MARCHF9: variants seen among roughly 807,000 people sequenced by gnomAD.
MARCHF9 encodes membrane associated ring-CH-type finger 9, also known as E3 ubiquitin-protein ligase MARCHF9.
Under a neutral mutation model 35.2 loss-of-function variants are expected in MARCHF9, and 17 were observed. The ratio of observed to expected loss-of-function variants is 0.48; its 90% CI spans 0.33 to 0.72. The LOEUF (loss-of-function observed/expected upper bound fraction) is 0.72. Among genes scored for constraint, MARCHF9 ranks in the 30% least tolerant of loss-of-function variants. MARCHF9 has a pLI of 0.02. For synonymous variants in MARCHF9, 183 were observed against 207.4 expected, an observed-to-expected ratio of 0.88 and a Z score of 1.01; for missense variants, 386 against 478.2, an observed-to-expected ratio of 0.81 and a Z score of 1.80.
Position 57,758,666 on chromosome 12 carries a change from A to G in MARCHF9, c.810A>G (p.Ile270Met), listed in dbSNP as rs1454655777. Residue 270 changes from isoleucine (I) to methionine (M), a missense_variant, in exon 4 of 4, where the codon ATA becomes ATG. By Grantham distance (10) the Ile-to-Met change is conservative (BLOSUM62 1). Coordinates refer to ENST00000266643, the MANE Select transcript of MARCHF9 (RefSeq NM_138396.6). This position sits in a 1 kb window ranked among gnomAD's most constrained non-coding sequence, Gnocchi z 5.4. ...TAAATTATGACAAGACCAAGGACAT[A>G]GGAGGAGATGCAGGGGGAGGGACGG... The part of the protein sequence containing the change: ...KVLNYDKTKD[I>M]GGDAGGGTAG... The G allele has an allele frequency of 1.9e-6, 3 of 1,613,920 alleles. No individual in the cohort carries two copies.
chr12:57,756,985 C>G lies in MARCHF9; in HGVS notation c.414C>G (p.Pro138=), dbSNP rs774429788. 82 of 1,602,064 alleles carry G rather than the reference C, an allele frequency of 5.1e-5. No homozygotes were observed. The highest frequency in any genetic ancestry group is 6.1e-5 in the Non-Finnish European group (72 of 1,174,516). ...GCTCAGTGCGCTGCACGCATCAGCC[C>G]TGCCTCATCCGCTGGATCAGCGAGA... ...CDGSVRCTHQ[P]CLIRWISERG... Residue 138 remains proline, a synonymous_variant, in exon 2 of 4, where the codon CCC becomes CCG. Transcript: ENST00000266643.
Position 57,758,271 on chromosome 12 carries a change from T to C in MARCHF9, c.677T>C (p.Met226Thr), listed in dbSNP as rs748271000. The change falls in exon 3 of 4, where the codon ATG becomes ACG. Residue 226 changes from methionine (M) to threonine (T), a missense_variant. Transcript: ENST00000266643. This position sits in a 1 kb window ranked among gnomAD's most constrained non-coding sequence, Gnocchi z 5.4. ...QDLLFQICYGMYGFMDVVCIG... is the reference protein window; with the variant it reads ...QDLLFQICYGTYGFMDVVCIG... ...CTGCTCTTTCAGATCTGCTACGGCA[T>C]GTATGGCTTCATGGATGTCGTCTGC... The C allele has an allele frequency of 1.2e-6, 2 of 1,611,964 alleles. No homozygotes were observed. The highest frequency in any genetic ancestry group is 1.7e-6 in the Non-Finnish European group (2 of 1,178,198).
chr12:57,759,721 A>G lies in MARCHF9; in HGVS notation c.*824A>G, dbSNP rs1655900081. 1 of 152,256 alleles carries G rather than the reference A, an allele frequency of 6.6e-6. No individual in the cohort carries two copies. Among genetic ancestry groups the G allele is most frequent in the South Asian group, 2.1e-4 (1 of 4,838 alleles). 9.4% of individuals were successfully genotyped at this position (152,256 alleles called of 1,614,324 possible). A position where few individuals can be genotyped will look rare whatever the true frequency, so the allele number is the denominator to read the frequency against. ...TGAGGGACAGGTTGGATGCCGTTGC[A>G]GAGAAAATCAGCAATGACATAAAGA... On this transcript the variant is annotated 3_prime_UTR_variant, in exon 4 of 4. Transcript: ENST00000266643.
Position 57,758,217 on chromosome 12 carries a change from G to A in MARCHF9, c.623G>A (p.Ser208Asn). The A allele has an allele frequency of 6.2e-7, 1 of 1,614,206 alleles. No individual in the cohort carries two copies. The highest frequency in any genetic ancestry group is 8.5e-7 in the Non-Finnish European group (1 of 1,180,036). The change falls in exon 3 of 4, where the codon AGC (serine) becomes AAC (asparagine). Residue 208 changes from serine (S) to asparagine (N), a missense_variant. By Grantham distance (46) the Ser-to-Asn change is conservative. Coordinates refer to ENST00000266643, the MANE Select transcript of MARCHF9 (RefSeq NM_138396.6). This position sits in a 1 kb window ranked among gnomAD's most constrained non-coding sequence, Gnocchi z 5.4. The part of the protein sequence containing the change: ...SISWLIWSSL[S>N]PSAKWQRQDL... The stretch of plus-strand genomic sequence containing the variant: ...TCCTGGCTCATCTGGTCCTCACTCA[G>A]CCCTTCAGCCAAGTGGCAACGACAG...
rs751635712 is a variant in MARCHF9, at chr12:57,758,263, C to T, written c.669C>T (p.Cys223=). ...GACAGGATCTGCTCTTTCAGATCTG[C>T]TACGGCATGTATGGCTTCATGGATG... ...WQRQDLLFQI[C]YGMYGFMDVV... is the part of the protein sequence containing the mutation. Residue 223 remains cysteine (C), a synonymous_variant, in exon 3 of 4, where the codon TGC becomes TGT. Coordinates refer to ENST00000266643, the MANE Select transcript of MARCHF9 (RefSeq NM_138396.6). The surrounding 1 kb of genome is among the most constrained non-coding windows in gnomAD (Gnocchi z 5.4). 1 of 1,613,318 alleles carries T rather than the reference C, an allele frequency of 6.2e-7. No individual in the cohort carries two copies. The highest frequency in any genetic ancestry group is 8.5e-7 in the Non-Finnish European group (1 of 1,179,260).
Position 57,758,574 on chromosome 12 carries a change from C to T in MARCHF9, c.718C>T (p.His240Tyr). The T allele has an allele frequency of 1.9e-6, 3 of 1,608,428 alleles. No individual in the cohort carries two copies. Among genetic ancestry groups the T allele is most frequent in the Non-Finnish European group, 1.7e-6 (2 of 1,176,454 alleles). The change falls in exon 4 of 4, where the codon CAT becomes TAT. Residue 240 changes from histidine to tyrosine, a missense_variant. Around this residue, in one of 3 missense-constraint regions of MARCHF9, gnomAD observed 219 missense variants for 316.2 expected, o/e 0.69. Transcript: ENST00000266643. This position sits in a 1 kb window ranked among gnomAD's most constrained non-coding sequence, Gnocchi z 5.4. ...MDVVCIGLII[H>Y]EGSSVYRIFK... ...TTCCTATTGCTCAGGCCTCATCATC[C>T]ATGAAGGCTCCTCTGTCTACCGCAT...
At position 57,758,573 on chromosome 12, in the gene MARCHF9, C is replaced by A. The variant is rs1346409281; in HGVS notation, c.717C>A (p.Ile239=). 6.2e-7 allele frequency: 1 copy of A among 1,608,230 alleles called. No individual in the cohort carries two copies. The highest frequency in any genetic ancestry group is 1.7e-5 in the Admixed American group (1 of 59,402). ...ATTCCTATTGCTCAGGCCTCATCATCCATGAAGGCTCCTCTGTCTACCGCA... is the reference window on the plus strand; with the variant it reads ...ATTCCTATTGCTCAGGCCTCATCATACATGAAGGCTCCTCTGTCTACCGCA... The part of the protein sequence containing the change: ...FMDVVCIGLI[I]HEGSSVYRIF... Residue 239 remains isoleucine (I), a synonymous_variant, in exon 4 of 4, where the codon ATC becomes ATA. Coordinates refer to ENST00000266643, the MANE Select transcript of MARCHF9 (RefSeq NM_138396.6). This position sits in a 1 kb window ranked among gnomAD's most constrained non-coding sequence, Gnocchi z 5.4.
intron 2 of MARCHF9, 148 bp from the exon 3 acceptor site, chr12:57,757,960 A>T: frequency 1.2e-6 from 1 of 823,142 alleles, no homozygotes. Context: ...GCCACATTCT[A>T]GATTTAATCA....
In MARCHF9 at chr12:57,759,271, C is replaced by T. The variant is rs971717505; in HGVS notation, c.*374C>T. ...AATGCCAGAAGAAAGGGGCTGTAGA[C>T]CCCTATTCCCCACCCCATGGCCACA... On this transcript the variant is annotated 3_prime_UTR_variant, in exon 4 of 4. Coordinates refer to ENST00000266643, the MANE Select transcript of MARCHF9 (RefSeq NM_138396.6). 4 of 221,008 alleles carry T rather than the reference C, an allele frequency of 1.8e-5. No homozygotes were observed. Among genetic ancestry groups the T allele is most frequent in the Non-Finnish European group, 3.6e-5 (4 of 110,510 alleles). The allele number at this position is 221,008 out of a possible 1,614,324, so 13.7% of individuals were successfully genotyped here.
chr12:57,757,199 C>A, intron 2 of MARCHF9, 115 bp downstream of exon 2: 1 of 1,034,104 alleles, frequency 9.7e-7, no homozygotes, highest in Non-Finnish European at 1.3e-6. Flanking sequence ...CCCTTCCCCG[C>A]CAGTTACCAC....
At chr12:57,756,080 G>T in intron 1 of MARCHF9, 195 bp downstream of exon 1, 1 of 348,080 alleles carries the variant, frequency 2.9e-6, no homozygotes, top group Non-Finnish European at 5.2e-6. Flanking sequence ...GGGTCCCCAG[G>T]AAGGGGTGGG....
rs1177817453 is a variant in MARCHF9 at position 57,758,302 on chromosome 12, T to G, written c.706+2T>G. ...GCTTCATGGATGTCGTCTGCATAGG[T>G]GAGGGCACCTCTCTCTCCTTTACCT... On this transcript the variant is annotated splice_donor_variant, in intron 3 of 3. Coordinates refer to ENST00000266643, the MANE Select transcript of MARCHF9 (RefSeq NM_138396.6). LOFTEE classifies it high-confidence loss of function. This position sits in a 1 kb window ranked among gnomAD's most constrained non-coding sequence, Gnocchi z 5.4. 6.2e-7 allele frequency: 1 copy of G among 1,604,892 alleles called. No homozygotes were observed. Among genetic ancestry groups the G allele is most frequent in the Non-Finnish European group, 8.5e-7 (1 of 1,172,726 alleles).
chr12:57,755,195 G>A lies in MARCHF9; in HGVS notation c.-334G>A, dbSNP rs1324580396. ...GGGACCGAGAGAACGGCGATGGGGG[G>A]CGGCCCCGCCGCAGGAGGACCCGGG... On this transcript the variant is annotated 5_prime_UTR_variant, in exon 1 of 4. Coordinates refer to ENST00000266643, the MANE Select transcript of MARCHF9 (RefSeq NM_138396.6). The A allele has an allele frequency of 1.9e-5, 3 of 161,932 alleles. No homozygotes were observed. Among genetic ancestry groups the A allele is most frequent in the African/African-American group, 4.8e-5 (2 of 41,660 alleles). The allele number at this position is 161,932 out of a possible 1,614,324, so 10.0% of individuals were successfully genotyped here.
In MARCHF9 at chr12:57,758,154, C is replaced by T. The variant is rs1166159606; in HGVS notation, c.560C>T (p.Ala187Val). 1 of 1,614,210 alleles carries T rather than the reference C, an allele frequency of 6.2e-7. No individual in the cohort carries two copies. Reference protein sequence around the residue: ...LTVIEKVQIAAIVLGSLFLVA... With the variant: ...LTVIEKVQIAVIVLGSLFLVA... ...GTCATCGAGAAGGTCCAGATTGCTG[C>T]CATAGTTCTGGGCTCGCTCTTCCTG... Residue 187 changes from alanine to valine, a missense_variant, in exon 3 of 4, where the codon GCC becomes GTC. Ala to Val is a moderately conservative substitution (Grantham distance 64). Around this residue, in one of 3 missense-constraint regions of MARCHF9, gnomAD observed 219 missense variants for 316.2 expected, o/e 0.69. Transcript: ENST00000266643. The surrounding 1 kb of genome is among the most constrained non-coding windows in gnomAD (Gnocchi z 5.4).
Position 57,755,764 on chromosome 12 carries a change from T to TGCCGCCGCCCGC in MARCHF9, c.245_256dup (p.Pro82_Pro85dup). The TGCCGCCGCCCGC allele has an allele frequency of 8.0e-7, 1 of 1,256,370 alleles. No individual in the cohort carries two copies. The highest frequency in any genetic ancestry group is 1.0e-6 in the Non-Finnish European group (1 of 1,003,692). The allele number at this position is 1,256,370 out of a possible 1,614,324, so 77.8% of individuals were successfully genotyped here. ...GACAAGGAGCCGCGGGCCGGACCCC[T>TGCCGCCGCCCGC]GCCGCCGCCCGCGCCGCCGCTGCCG... is the stretch of plus-strand genomic sequence containing the variant. On this transcript the variant is annotated inframe_insertion, in exon 1 of 4. Coordinates refer to ENST00000266643, the MANE Select transcript of MARCHF9 (RefSeq NM_138396.6).
Position 57,755,577 on chromosome 12 carries a change from G to C in MARCHF9, c.49G>C (p.Val17Leu), listed in dbSNP as rs1222191016. 33 of 1,406,148 alleles carry C rather than the reference G, an allele frequency of 2.3e-5. No individual in the cohort carries two copies. Among genetic ancestry groups the C allele is most frequent in the Non-Finnish European group, 2.9e-5 (31 of 1,076,388 alleles). The allele number at this position is 1,406,148 out of a possible 1,614,324, so 87.1% of individuals were successfully genotyped here. Residue 17 changes from valine to leucine, a missense_variant, in exon 1 of 4, where the codon GTG (valine) becomes CTG (leucine). Val to Leu is a conservative substitution (Grantham distance 32). This residue lies in a region of MARCHF9 where 56 missense variants were observed against 49.6 expected (regional missense o/e 1.13). Coordinates refer to ENST00000266643, the MANE Select transcript of MARCHF9 (RefSeq NM_138396.6). ...GTTTCTGAACGAGCTGAAGCTGCTGGTGCTGACAGGCGGGGGGCGGCCCCG... is the reference window on the plus strand; with the variant it reads ...GTTTCTGAACGAGCTGAAGCTGCTGCTGCTGACAGGCGGGGGGCGGCCCCG... ...RMFLNELKLLVLTGGGRPRAE... is the reference protein window; with the variant it reads ...RMFLNELKLLLLTGGGRPRAE...
rs757179092 is a variant in MARCHF9, at chr12:57,758,115, C to T, written c.521C>T (p.Ala174Val). Residue 174 changes from alanine to valine, a missense_variant, in exon 3 of 4, where the codon GCC (alanine) becomes GTC (valine). Physicochemically the swap from Ala to Val is moderately conservative, Grantham distance 64 (BLOSUM62 0). Around this residue, in one of 3 missense-constraint regions of MARCHF9, gnomAD observed 219 missense variants for 316.2 expected, o/e 0.69. Coordinates refer to ENST00000266643, the MANE Select transcript of MARCHF9 (RefSeq NM_138396.6). This position sits in a 1 kb window ranked among gnomAD's most constrained non-coding sequence, Gnocchi z 5.4. ...GCCCTTTCTCCCACACAGTGGCAGG[C>T]CATCTCCCTGACGGTCATCGAGAAG... is the stretch of plus-strand genomic sequence containing the variant. ...ISTKNPLQWQ[A>V]ISLTVIEKVQ... The T allele has an allele frequency of 6.2e-7, 1 of 1,613,164 alleles. No homozygotes were observed. Among genetic ancestry groups the T allele is most frequent in the African/African-American group, 1.3e-5 (1 of 74,908 alleles).
chr12:57,759,334 C>T lies in MARCHF9; in HGVS notation c.*437C>T, dbSNP rs182952417. ...ATAAGACTAGTATACATTGACCTCCCGTTCCCTGCATGAGGGCGGGGAGTT... is the reference window on the plus strand; with the variant it reads ...ATAAGACTAGTATACATTGACCTCCTGTTCCCTGCATGAGGGCGGGGAGTT... On this transcript the variant is annotated 3_prime_UTR_variant, in exon 4 of 4. Coordinates refer to ENST00000266643, the MANE Select transcript of MARCHF9 (RefSeq NM_138396.6). The T allele has an allele frequency of 1.5e-4, 24 of 161,770 alleles. No individual in the cohort carries two copies. Among genetic ancestry groups the T allele is most frequent in the East Asian group, 5.4e-4 (3 of 5,536 alleles). 10.0% of individuals were successfully genotyped at this position (161,770 alleles called of 1,614,324 possible). A position where few individuals can be genotyped will look rare whatever the true frequency, so the allele number is the denominator to read the frequency against.
Position 57,758,806 on chromosome 12 carries a change from T to G in MARCHF9, c.950T>G (p.Ile317Ser). Residue 317 changes from isoleucine to serine, a missense_variant, in exon 4 of 4, where the codon ATC becomes AGC. Ile to Ser is a moderately radical substitution (Grantham distance 142, BLOSUM62 -2). Around this residue, in one of 3 missense-constraint regions of MARCHF9, gnomAD observed 111 missense variants for 112.4 expected, o/e 0.99. Transcript: ENST00000266643. This position sits in a 1 kb window ranked among gnomAD's most constrained non-coding sequence, Gnocchi z 5.4. ...TTGCCTCAGCGCTGCGGTTATACAA[T>G]CTTGCACCTCCTTGGGCAGCTGCGG... ...TLLPQRCGYT[I>S]LHLLGQLRPP... The G allele has an allele frequency of 6.2e-7, 1 of 1,613,168 alleles. No individual in the cohort carries two copies.
Sources: allele counts gnomAD v4.1 joint callset, GRCh38; gene constraint gnomAD v4.1.1; regional missense constraint gnomAD v4.1.1; non-coding constraint Gnocchi (gnomAD v3.1); transcripts MANE v1.5; gene names NCBI Gene and HGNC (gene_info 2026-07-23, HGNC 2026-07-21).